Variants in SHC4 observed in about 807,000 individuals in gnomAD.
SHC4 encodes SHC-transforming protein 4.
A neutral mutation model predicts 69.4 loss-of-function variants in SHC4; 41 were observed. That is an observed-to-expected ratio of 0.59 (90% CI 0.46 to 0.77). SHC4 has a LOEUF of 0.77. SHC4 is among the 30% of genes least tolerant of loss of function. The probability of loss-of-function intolerance (pLI) is 0.00; values close to 1 mark genes in which losing one functional copy is unlikely to be tolerated. For synonymous variants in SHC4, 318 were observed against 299.3 expected (o/e 1.06, Z -0.64); for missense variants, 777 against 783.8 (o/e 0.99, Z 0.10).
In SHC4 at chr15:48,872,135, G is replaced by T. The variant is rs1326966839; in HGVS notation, c.848C>A (p.Ala283Glu). 3.2e-6 allele frequency: 5 copies of T among 1,575,770 alleles called. No individual in the cohort carries two copies. Among genetic ancestry groups the T allele is most frequent in the Non-Finnish European group, 4.3e-6 (5 of 1,151,804 alleles). ...TGAAATAGACTGCATATGATGATTT[G>T]CAATAATCTGAAAAACATAAACATG... ...LMNLDNQQIIANHHMQSISFA... is the reference protein window; with the variant it reads ...LMNLDNQQIIENHHMQSISFA... The change falls in exon 5 of 12, where the codon GCA (alanine) becomes GAA (glutamate). Residue 283 changes from alanine (A) to glutamate (E), a missense_variant. Coordinates refer to ENST00000332408, the MANE Select transcript of SHC4 (RefSeq NM_203349.4).
intron 10 of SHC4, among the ~76,000 whole-genome samples, chr15:48,837,647 G>C (rs953096457): frequency 2.8e-4 from 43 of 152,036 alleles, no homozygotes; most frequent in African/African-American, 9.9e-4. Context: ...GAAGTAATAA[G>C]GAAGGCCAAT....
At chr15:48,960,493 G>A (rs1901528303) in intron 1 of SHC4, among the ~76,000 whole-genome samples, 1 of 152,224 alleles carries the variant, frequency 6.6e-6, no homozygotes, top group Admixed American at 6.5e-5. Flanking sequence ...CACTGTGGGT[G>A]AGGGCGAGAG....
At chr15:48,885,126 T>TG (rs1274081285) in intron 3 of SHC4, among the ~76,000 whole-genome samples, 1 of 151,868 alleles carries the variant, frequency 6.6e-6, no homozygotes, top group African/African-American at 2.4e-5. Context: ...AGAAGAAGTG[T>TG]GGGGGTGTGG....
chr15:48,946,619 T>A (rs1030229659), intron 1 of SHC4: 18 of 983,784 alleles, frequency 1.8e-5, no homozygotes, highest in Non-Finnish European at 2.2e-5. Context: ...CTCTTTCACT[T>A]GTTTCATGTT....
At chr15:48,945,378 A>C (rs1901257012) in intron 1 of SHC4, among the ~76,000 whole-genome samples, 1 of 152,220 alleles carries the variant, frequency 6.6e-6, no homozygotes, top group Non-Finnish European at 1.5e-5. Context: ...GTGTACACCC[A>C]AGAAAGTTGA....
intron 1 of SHC4, among the ~76,000 whole-genome samples, chr15:48,954,566 T>C (rs752901406): frequency 5.5e-4 from 83 of 152,256 alleles, no homozygotes; most frequent in Non-Finnish European, 5.9e-4. Flanking sequence ...CTTTTCGCTT[T>C]GCTGCACTGG....
rs749188702 is a variant in SHC4, at chr15:48,890,790, A to C, written c.678T>G (p.Cys226Trp). The C allele has an allele frequency of 6.2e-7, 1 of 1,614,220 alleles. No homozygotes were observed. The highest frequency in any genetic ancestry group is 8.5e-7 in the Non-Finnish European group (1 of 1,180,030). Residue 226 changes from cysteine to tryptophan, a missense_variant, in exon 3 of 12, where the codon TGT becomes TGG. Transcript: ENST00000332408. ...QVTREAISRL[C>W]EAVPGANGAI... ...CTCCATTTGCCCCGGGGACAGCTTC[A>C]CACAGGCGACTTATTGCTTCCCTAA...
At chr15:48,955,671 C>T (rs1046049721) in intron 1 of SHC4, among the ~76,000 whole-genome samples, 5 of 152,228 alleles carry the variant, frequency 3.3e-5, no homozygotes, top group Non-Finnish European at 1.5e-5. Context: ...TATGCTCCCT[C>T]TTTTCTTCTC....
intron 1 of SHC4, among the ~76,000 whole-genome samples, chr15:48,931,775 C>T (rs565182719): frequency 2.9e-4 from 44 of 152,212 alleles, no homozygotes; most frequent in African/African-American, 1.0e-3. Flanking sequence ...AGTCTTTCAA[C>T]CCTACTTGCC....
chr15:48,875,267 C>A (rs1447028270), intron 4 of SHC4, among the ~76,000 whole-genome samples: 3 of 152,148 alleles, frequency 2.0e-5, no homozygotes, highest in African/African-American at 4.8e-5. Context: ...TAATACTAAG[C>A]CTTTGGAGTT....
intron 6 of SHC4, 58 bp downstream of exon 6, chr15:48,867,760 A>T: frequency 7.1e-7 from 1 of 1,402,938 alleles, no homozygotes; most frequent in Non-Finnish European, 1.0e-6. Context: ...ACTGTTGGTT[A>T]CTTTTTAGAG....
intron 1 of SHC4, among the ~76,000 whole-genome samples, chr15:48,952,002 C>T (rs1195601884): frequency 1.3e-5 from 2 of 152,100 alleles, no homozygotes; most frequent in African/African-American, 2.4e-5. Flanking sequence ...GCGCTGCTGC[C>T]GATGAGCCCT....
At chr15:48,886,799 C>T (rs1203876675) in intron 3 of SHC4, among the ~76,000 whole-genome samples, 5 of 152,062 alleles carry the variant, frequency 3.3e-5, no homozygotes, top group African/African-American at 7.2e-5. Flanking sequence ...ATTTCTCCTT[C>T]GAGAAAGAGA....
chr15:48,952,595 A>G (rs1170338789), intron 1 of SHC4, among the ~76,000 whole-genome samples: 1 of 152,280 alleles, frequency 6.6e-6, no homozygotes, highest in East Asian at 1.9e-4. Context: ...AAGAAAAAAA[A>G]CCCATTGAAA....
intron 1 of SHC4, among the ~76,000 whole-genome samples, chr15:48,940,714 G>A (rs1186716608): frequency 1.3e-5 from 2 of 152,154 alleles, no homozygotes; most frequent in African/African-American, 2.4e-5. Flanking sequence ...GACCATGTGG[G>A]CAAAGAACCT....
At position 48,844,678 on chromosome 15, in the gene SHC4, C is replaced by T. The variant is rs558888811; in HGVS notation, c.1304-1090G>A. The stretch of plus-strand genomic sequence containing the variant: ...TCTCACCTTGAATTGTAATAATCCT[C>T]ATGTGTCAAGGGCAGGGCCAGGTGG... On this transcript the variant is annotated intron_variant, in intron 9 of 11. Transcript: ENST00000332408. 8.5e-4 allele frequency among the ~76,000 whole-genome samples: 130 copies of T among 152,298 alleles called. 2 individuals carry two copies. The Middle Eastern group carries it at 0.02, about 24-fold the overall frequency.
rs141889358 is a variant in SHC4 at position 48,853,477 on chromosome 15, A to C, written c.1243-2229T>G. Among the ~76,000 whole-genome samples, 1,141 of 152,270 alleles carry C rather than the reference A, an allele frequency of 7.5e-3. 11 individuals are homozygous for C. The highest frequency in any genetic ancestry group is 0.012 in the Non-Finnish European group (831 of 67,998). ...TCATTTTCCCCAGAATTAGAAAAAA[A>C]TACCCAAAAACAGTTGGTTCATATG... On this transcript the variant is annotated intron_variant, in intron 8 of 11. Coordinates refer to ENST00000332408, the MANE Select transcript of SHC4 (RefSeq NM_203349.4).
At chr15:48,894,757 G>T (rs1321105156) in intron 2 of SHC4, among the ~76,000 whole-genome samples, 1 of 152,022 alleles carries the variant, frequency 6.6e-6, no homozygotes, top group Non-Finnish European at 1.5e-5. Flanking sequence ...TTCAGTGAAA[G>T]AACAGCCTCT....
chr15:48,856,451 A>T (rs1899318282), intron 7 of SHC4, among the ~76,000 whole-genome samples: 1 of 152,234 alleles, frequency 6.6e-6, no homozygotes, highest in Non-Finnish European at 1.5e-5. Context: ...ATAAAAATAC[A>T]AAGTATTCTT....
Sources: gnomAD v4.1 joint callset for allele counts (sites outside exome capture counted in the v4.1 genomes callset) on GRCh38, gnomAD v4.1.1 for gene constraint, MANE v1.5 for transcripts, NCBI Gene and HGNC (gene_info 2026-07-23, HGNC 2026-07-21) for gene names.